TMTC4: variants seen among roughly 807,000 people sequenced by gnomAD.
TMTC4 encodes transmembrane O-mannosyltransferase targeting cadherins 4, also known as protein O-mannosyl-transferase TMTC4.
In TMTC4, 65 loss-of-function variants were observed where a neutral mutation model predicts 86.0. That is an observed-to-expected ratio of 0.76 (90% CI 0.62 to 0.93). The LOEUF is 0.93. Among genes scored for constraint, TMTC4 ranks in the 40% least tolerant of loss-of-function variants. The pLI is 0.00. For missense variants in TMTC4, 866 were observed against 948.1 expected (o/e 0.91, Z 1.14); for synonymous variants, 379 against 382.5 (o/e 0.99, Z 0.11).
chr13:100,608,478 A>T, intron 17 of TMTC4, among the ~76,000 whole-genome samples: 1 of 152,200 alleles, frequency 6.6e-6, no homozygotes. Flanking sequence ...TGTGGACAAA[A>T]GAAGGGGTGT....
At chr13:100,626,252 G>GA (rs1422373843) in intron 12 of TMTC4, 102 bp from the exon 13 acceptor site, 59 of 1,262,008 alleles carry the variant, frequency 4.7e-5, no homozygotes, top group Non-Finnish European at 6.0e-5. Flanking sequence ...AAGCGACGAG[G>GA]AAAAAAAATC....
At position 100,658,471 on chromosome 13, in the gene TMTC4, A is replaced by G. The variant is rs1424414046; in HGVS notation, c.553-2003T>C. 1.3e-5 allele frequency among the ~76,000 whole-genome samples: 2 copies of G among 152,126 alleles called. 1 individual carries two copies. Among genetic ancestry groups the G allele is most frequent in the Admixed American group, 1.3e-4 (2 of 15,274 alleles). On this transcript the variant is annotated intron_variant, in intron 5 of 18. Transcript: ENST00000342624. ...AATCCCAACCCTTTAGAGAAGAGAA[A>G]GCAATAAAAGCCAATCCAGACAAGC...
chr13:100,636,883 A>G (rs1594301948), intron 9 of TMTC4, 149 bp from the exon 10 acceptor site: 1 of 764,470 alleles, frequency 1.3e-6, no homozygotes, highest in East Asian at 2.7e-5. Flanking sequence ...TGTATTGGGT[A>G]TGTGACTATA....
At chr13:100,614,163 T>C (rs1417967775) in intron 16 of TMTC4, among the ~76,000 whole-genome samples, 153 bp downstream of exon 16, 8 of 151,956 alleles carry the variant, frequency 5.3e-5, no homozygotes, top group Admixed American at 3.3e-4. Context: ...TCTAGAGGAA[T>C]AGACATTTTT....
rs1161954107 is a variant in TMTC4 at position 100,658,674 on chromosome 13, T to G, written c.553-2206A>C. 2.6e-5 allele frequency among the ~76,000 whole-genome samples: 4 copies of G among 151,756 alleles called. No individual in the cohort carries two copies. The East Asian group carries it at 7.7e-4, about 29-fold the overall frequency. On this transcript the variant is annotated intron_variant, in intron 5 of 18. Transcript: ENST00000342624. The stretch of plus-strand genomic sequence containing the variant: ...TGCTATCTGGGTGGCTAGTGTAGAT[T>G]TGAAGAATCACCAAAAATGAAATTT...
chr13:100,606,841 C>CT (rs1223450218), intron 17 of TMTC4, among the ~76,000 whole-genome samples: 3 of 152,180 alleles, frequency 2.0e-5, no homozygotes, highest in Non-Finnish European at 2.9e-5. Flanking sequence ...TCCTCTCCCC[C>CT]AAGAACCTAC....
chr13:100,622,881 A>C (rs982646681), intron 15 of TMTC4, among the ~76,000 whole-genome samples: 3 of 152,172 alleles, frequency 2.0e-5, no homozygotes, highest in African/African-American at 7.2e-5. Flanking sequence ...CGTCCACGTA[A>C]AGGGACTTCT....
At chr13:100,619,320 T>G (rs1260185988) in intron 15 of TMTC4, among the ~76,000 whole-genome samples, 1 of 129,158 alleles carries the variant, frequency 7.7e-6, no homozygotes, top group Non-Finnish European at 1.6e-5. Context: ...GCATAGTTAA[T>G]AAAAGCAGAC....
chr13:100,634,688 G>T, intron 12 of TMTC4, 117 bp downstream of exon 12: 6 of 1,271,002 alleles, frequency 4.7e-6, no homozygotes, highest in South Asian at 2.1e-5. Context: ...AAAAACCCAA[G>T]TATTCGGTCA....
intron 15 of TMTC4, among the ~76,000 whole-genome samples, chr13:100,616,928 G>A (rs1233721426): frequency 1.3e-5 from 2 of 152,120 alleles, no homozygotes; most frequent in African/African-American, 4.8e-5. Context: ...TGGATGCATA[G>A]TTTATGAATA....
At chr13:100,632,053 A>ACACACT (rs1296569630) in intron 12 of TMTC4, among the ~76,000 whole-genome samples, 71 of 43,128 alleles carry the variant, frequency 1.6e-3, no homozygotes, top group Non-Finnish European at 2.1e-3. Context: ...ACACACACAC[A>ACACACT]CTCTCTCTCT....
At chr13:100,660,293 C>A (rs1401912747) in intron 5 of TMTC4, among the ~76,000 whole-genome samples, 1 of 147,218 alleles carries the variant, frequency 6.8e-6, no homozygotes, top group African/African-American at 2.5e-5. Flanking sequence ...ATTGTGCCAC[C>A]GCACTCCAGC....
At chr13:100,668,854 T>G (rs961326893) in intron 2 of TMTC4, 60 bp from the exon 3 acceptor site, 3 of 1,516,214 alleles carry the variant, frequency 2.0e-6, no homozygotes, top group Non-Finnish European at 1.8e-6. Flanking sequence ...GTTTCTGCAG[T>G]GGGCACCGTG....
At chr13:100,648,797 A>G (rs1884066465) in intron 6 of TMTC4, among the ~76,000 whole-genome samples, 1 of 152,182 alleles carries the variant, frequency 6.6e-6, no homozygotes, top group Non-Finnish European at 1.5e-5. Flanking sequence ...CTCCGGCCTC[A>G]GCCTCCCGAA....
At chr13:100,673,455 C>T (rs1372375294) in intron 1 of TMTC4, among the ~76,000 whole-genome samples, 1 of 152,206 alleles carries the variant, frequency 6.6e-6, no homozygotes, top group East Asian at 1.9e-4. Flanking sequence ...ATCCTATGCA[C>T]GCTGAGAGGT....
At chr13:100,653,806 C>A (rs114417343) in intron 6 of TMTC4, among the ~76,000 whole-genome samples, 1 of 152,184 alleles carries the variant, frequency 6.6e-6, no homozygotes, top group African/African-American at 2.4e-5. Flanking sequence ...TAACTCAAAG[C>A]CTGCCAGGGC....
intron 9 of TMTC4, among the ~76,000 whole-genome samples, chr13:100,636,968 C>T (rs560371069): frequency 6.6e-6 from 1 of 152,254 alleles, no homozygotes; most frequent in East Asian, 1.9e-4. Flanking sequence ...CTATGCAATA[C>T]ATTCGTTATA....
intron 7 of TMTC4, among the ~76,000 whole-genome samples, chr13:100,640,865 T>C (rs984116404): frequency 6.6e-6 from 1 of 151,834 alleles, no homozygotes. Flanking sequence ...TCTACCTCTG[T>C]TCACAACCTT....
chr13:100,662,264 G>A (rs1181958691), intron 5 of TMTC4, among the ~76,000 whole-genome samples: 1 of 143,726 alleles, frequency 7.0e-6, no homozygotes, highest in Non-Finnish European at 1.5e-5. Flanking sequence ...GAGGAGGGTG[G>A]AGAGACTTCA....
Sources: gnomAD v4.1 joint callset for allele counts (sites outside exome capture counted in the v4.1 genomes callset) on GRCh38, gnomAD v4.1.1 for gene constraint, MANE v1.5 for transcripts, NCBI Gene and HGNC (gene_info 2026-07-23, HGNC 2026-07-21) for gene names.